AFAP1: variants seen among roughly 807,000 people sequenced by gnomAD.
AFAP1 encodes actin filament associated protein 1, also known as actin filament-associated protein 1.
A neutral mutation model predicts 93.9 loss-of-function variants in AFAP1; 75 were observed. The ratio of observed to expected loss-of-function variants is 0.80; its 90% CI spans 0.66 to 0.97. AFAP1 has a LOEUF of 0.97. Ranked by LOEUF, AFAP1 falls within the 50% of genes least tolerant of loss-of-function variation. The pLI is 0.00. For missense variants in AFAP1, 1,201 were observed against 1,050.8 expected (o/e 1.14, Z -1.98); for synonymous variants, 517 against 430.7 (o/e 1.20, Z -2.48).
intron 1 of AFAP1, among the ~76,000 whole-genome samples, chr4:7,919,309 C>G (rs147935893): frequency 1.2e-4 from 18 of 152,346 alleles, no homozygotes; most frequent in African/African-American, 3.6e-4. Context: ...CCTAGCAGCA[C>G]GCATCACTGC....
chr4:7,772,536 C>T (rs991933515), intron 16 of AFAP1: 2 of 332,344 alleles, frequency 6.0e-6, no homozygotes, highest in East Asian at 5.1e-5. Context: ...AGAAGAGACA[C>T]GAGGACTGGA....
chr4:7,910,448 A>G (rs559635546), intron 1 of AFAP1, among the ~76,000 whole-genome samples: 4 of 152,218 alleles, frequency 2.6e-5, no homozygotes, highest in East Asian at 1.9e-4. Flanking sequence ...CATTAAGGTG[A>G]TATCAAGGAA....
chr4:7,937,786 C>T (rs1427199004), intron 1 of AFAP1, among the ~76,000 whole-genome samples: 1 of 152,216 alleles, frequency 6.6e-6, no homozygotes, highest in African/African-American at 2.4e-5. Flanking sequence ...CGCGCCCGGC[C>T]GACCTGCTAA....
intron 1 of AFAP1, among the ~76,000 whole-genome samples, chr4:7,900,282 C>A: frequency 8.9e-6 from 1 of 112,680 alleles, no homozygotes. Context: ...AGAAATGAAA[C>A]CCCCCCAAGA....
At position 7,781,385 on chromosome 4, in the gene AFAP1, G is replaced by A. The variant is rs1206985173; in HGVS notation, c.1773C>T (p.Leu591=). The A allele has an allele frequency of 1.1e-5, 17 of 1,551,590 alleles. No homozygotes were observed. The highest frequency in any genetic ancestry group is 1.5e-5 in the Non-Finnish European group (17 of 1,146,840). ...TSSVGRASLG[L]NSQLKGKKPP... ...GAAGAAGATGCCGTACCTGCGAGTTGAGCCCGAGAGACGCCCTCCCCACAG... is the reference window on the plus strand; with the variant it reads ...GAAGAAGATGCCGTACCTGCGAGTTAAGCCCGAGAGACGCCCTCCCCACAG... Residue 591 remains leucine (L), a synonymous_variant, in exon 13 of 18, where the codon CTC becomes CTT. Transcript: ENST00000420658.
intron 1 of AFAP1, among the ~76,000 whole-genome samples, chr4:7,930,053 C>CAATCTCATTT (rs1015310889): frequency 5.9e-5 from 9 of 152,230 alleles, no homozygotes; most frequent in Non-Finnish European, 1.0e-4. Context: ...CTCAATGCAT[C>CAATCTCATTT]AATCTCATTT....
chr4:7,825,040 T>C (rs531741763), intron 6 of AFAP1, among the ~76,000 whole-genome samples: 2 of 152,348 alleles, frequency 1.3e-5, no homozygotes, highest in South Asian at 2.1e-4. Flanking sequence ...AAACAATTCA[T>C]GTTAGAGACT....
chr4:7,758,993 T>A lies in AFAP1; in HGVS notation c.*4772A>T, dbSNP rs1209841097. 1.3e-5 allele frequency: 2 copies of A among 152,586 alleles called. No homozygotes were observed. The highest frequency in any genetic ancestry group is 4.8e-5 in the African/African-American group (2 of 41,470). 9.5% of individuals were successfully genotyped at this position (152,586 alleles called of 1,614,324 possible). On this transcript the variant is annotated 3_prime_UTR_variant, in exon 18 of 18. Transcript: ENST00000420658. ...ATATTTAATTTAAAAAAATCTTTGC[T>A]GTTTCTTTGCCTGTTTCTTTCAAAG...
rs151138054 is a variant in AFAP1 at position 7,843,313 on chromosome 4, C to A, written c.372G>T (p.Ser124=). Residue 124 remains serine, a synonymous_variant, in exon 5 of 18, where the codon TCG becomes TCT. Transcript: ENST00000420658. ...TCCCATCCTCCTCCTCTTCATCATA[C>A]GACTCATAAGAGCTGCTCATCGCAT... ...DSDAMSSSYE[S]YDEEEEDGKG... is the part of the protein sequence containing the mutation. The A allele has an allele frequency of 1.2e-5, 19 of 1,613,980 alleles. No homozygotes were observed. In the African/African-American group the frequency reaches 1.9e-4, roughly 16 times the overall value.
chr4:7,868,579 G>C, intron 3 of AFAP1, 43 bp downstream of exon 3: 1 of 1,574,226 alleles, frequency 6.4e-7, no homozygotes, highest in Non-Finnish European at 8.6e-7. Context: ...AGTACCCCCA[G>C]GCCTCCAGCG....
chr4:7,856,432 A>G (rs1002003563), intron 3 of AFAP1, among the ~76,000 whole-genome samples: 19 of 152,070 alleles, frequency 1.2e-4, no homozygotes, highest in Non-Finnish European at 2.2e-4. Context: ...TAGTAGAGAC[A>G]GGGTTTCACC....
At chr4:7,841,810 T>A (rs560744109) in intron 5 of AFAP1, among the ~76,000 whole-genome samples, 42 of 150,318 alleles carry the variant, frequency 2.8e-4, no homozygotes, top group African/African-American at 9.3e-4. Flanking sequence ...GGTATTATCA[T>A]CCTGGTTTTG....
At chr4:7,898,776 C>T (rs1718937503) in intron 1 of AFAP1, among the ~76,000 whole-genome samples, 1 of 143,064 alleles carries the variant, frequency 7.0e-6, no homozygotes, top group African/African-American at 2.6e-5. Flanking sequence ...AGAACCCTTG[C>T]CTAGTTTTGT....
At chr4:7,801,584 C>G (rs1719033860) in intron 9 of AFAP1, among the ~76,000 whole-genome samples, 1 of 152,032 alleles carries the variant, frequency 6.6e-6, no homozygotes, top group Admixed American at 6.5e-5. Flanking sequence ...TAAATTACTG[C>G]CCCCTTCCTT....
chr4:7,887,522 T>C (rs1030768019), intron 1 of AFAP1, among the ~76,000 whole-genome samples: 4 of 152,220 alleles, frequency 2.6e-5, no homozygotes, highest in Admixed American at 6.5e-5. Context: ...AAGCCACCAA[T>C]ATAATGTTAA....
chr4:7,859,264 C>T (rs912538850), intron 3 of AFAP1, among the ~76,000 whole-genome samples: 1 of 152,080 alleles, frequency 6.6e-6, no homozygotes, highest in Non-Finnish European at 1.5e-5. Context: ...ACTAAGAATA[C>T]AAAAATTAGC....
intron 14 of AFAP1, chr4:7,776,963 T>C (rs1005171049): frequency 1.3e-5 from 2 of 152,224 alleles, no homozygotes; most frequent in Admixed American, 6.5e-5. Context: ...AAACACGGAA[T>C]GCCATTATTT....
chr4:7,869,586 C>A (rs745729577), intron 2 of AFAP1, among the ~76,000 whole-genome samples: 1 of 152,142 alleles, frequency 6.6e-6, no homozygotes, highest in African/African-American at 2.4e-5. Flanking sequence ...GTGATGAACA[C>A]GATACCAGTG....
At chr4:7,811,476 C>G (rs113824598) in intron 8 of AFAP1, among the ~76,000 whole-genome samples, 2,282 of 151,064 alleles carry the variant, frequency 0.015, 57 homozygotes, top group African/African-American at 0.053. Context: ...ATCTCCGCCT[C>G]TCTCTGCTGG....
Sources: allele counts gnomAD v4.1 joint callset (sites outside exome capture counted in the v4.1 genomes callset), GRCh38; gene constraint gnomAD v4.1.1; transcripts MANE v1.5; gene names NCBI Gene and HGNC (gene_info 2026-07-23, HGNC 2026-07-21).